Variants in ANGPT2 observed in about 807,000 individuals in gnomAD.
ANGPT2 encodes the protein angiopoietin 2.
ANGPT2 carries 28 observed loss-of-function variants against 62.9 expected under a neutral mutation model. The observed-to-expected ratio is 0.44, with a 90% CI of 0.33 to 0.61. ANGPT2 has a LOEUF of 0.61. ANGPT2 is among the 20% of genes least tolerant of loss of function. The pLI is 0.03. For missense variants in ANGPT2, 727 were observed against 594.9 expected (o/e 1.22, Z -2.31); for synonymous variants, 284 against 207.8 (o/e 1.37, Z -3.15).
intron 1 of ANGPT2, among the ~76,000 whole-genome samples, chr8:6,552,463 C>A (rs1355003644): frequency 6.6e-6 from 1 of 152,150 alleles, no homozygotes; most frequent in Non-Finnish European, 1.5e-5. Flanking sequence ...TTCGAGTAAA[C>A]ATGTGCTTTG....
intron 8 of ANGPT2, among the ~76,000 whole-genome samples, chr8:6,505,439 CTT>C (rs1438322477): frequency 2.0e-4 from 14 of 70,678 alleles, no homozygotes; most frequent in Admixed American, 4.6e-4. Flanking sequence ...TATATATATT[CTT>C]TATATACATA....
intron 1 of ANGPT2, among the ~76,000 whole-genome samples, chr8:6,562,038 C>G (rs1825619792): frequency 2.0e-5 from 3 of 152,206 alleles, no homozygotes; most frequent in African/African-American, 7.2e-5. Context: ...AACTGTGCCC[C>G]TGTTTACAGA....
chr8:6,527,596 C>T lies in ANGPT2; in HGVS notation c.525G>A (p.Leu175=). The T allele has an allele frequency of 6.2e-7, 1 of 1,613,950 alleles. No individual in the cohort carries two copies. Among genetic ancestry groups the T allele is most frequent in the East Asian group, 2.2e-5 (1 of 44,858 alleles). Residue 175 remains leucine, a synonymous_variant, in exon 3 of 9, where the codon TTG becomes TTA. Transcript: ENST00000629816. ...ATTTGTTTATTTCACTGGTCTGGTC[C>T]AAAATCTGTTTTTCCAATTTGTTTG... ...LSTNKLEKQI[L]DQTSEINKLQ...
intron 8 of ANGPT2, among the ~76,000 whole-genome samples, chr8:6,505,084 G>A (rs1021604564): frequency 4.2e-5 from 5 of 118,042 alleles, no homozygotes; most frequent in Admixed American, 9.4e-5. Flanking sequence ...AATTAACCTC[G>A]ACCCAAGCGT....
Position 6,553,288 on chromosome 8 carries a change from C to A in ANGPT2, c.288+9359G>T, listed in dbSNP as rs558827968. ...TAAAAAACATAGTCTTTTAAAAAATCATTTACTACATATGAAAAGGAACAA... is the reference window on the plus strand; with the variant it reads ...TAAAAAACATAGTCTTTTAAAAAATAATTTACTACATATGAAAAGGAACAA... On this transcript the variant is annotated intron_variant, in intron 1 of 8. Transcript: ENST00000629816. Among the ~76,000 whole-genome samples the A allele has an allele frequency of 1.9e-4, 29 of 152,228 alleles. No individual in the cohort carries two copies. The South Asian group carries it at 4.1e-3, about 22-fold the overall frequency.
In ANGPT2 at chr8:6,543,294, C is replaced by T. The variant is rs1241153602; in HGVS notation, c.289-10807G>A. Among the ~76,000 whole-genome samples, 15 of 152,152 alleles carry T rather than the reference C, an allele frequency of 9.9e-5. No homozygotes were observed. The East Asian group carries it at 1.2e-3, about 12-fold the overall frequency. ...TGTACATGAAGATGCACTACTGACC[C>T]GCCGTCCGCAAATGTGTTTGTACAG... On this transcript the variant is annotated intron_variant, in intron 1 of 8. Transcript: ENST00000629816.
intron 1 of ANGPT2, among the ~76,000 whole-genome samples, chr8:6,557,414 G>A (rs1223353465): frequency 1.3e-5 from 2 of 152,172 alleles, no homozygotes; most frequent in African/African-American, 4.8e-5. Flanking sequence ...ACCCTGTTGC[G>A]ATTGCTGCCT....
intron 7 of ANGPT2, among the ~76,000 whole-genome samples, chr8:6,510,519 C>T (rs749614064): frequency 6.6e-6 from 1 of 152,150 alleles, no homozygotes; most frequent in Admixed American, 6.5e-5. Flanking sequence ...ACCTGCTGGT[C>T]GGGCCAGGCC....
At chr8:6,515,782 A>G (rs117572681) in intron 5 of ANGPT2, among the ~76,000 whole-genome samples, 2 of 152,214 alleles carry the variant, frequency 1.3e-5, no homozygotes, top group Non-Finnish European at 2.9e-5. Context: ...GTTGTGTCCC[A>G]TGGTCTTTTT....
intron 1 of ANGPT2, 69 bp downstream of exon 1, chr8:6,562,578 T>TTTTTTTTTTTTTTTA: frequency 1.8e-4 from 160 of 880,144 alleles, no homozygotes; most frequent in Non-Finnish European, 2.2e-4. Flanking sequence ...TTTTGGTTGT[T>TTTTTTTTTTTTTTTA]AAAACCTGAG....
At chr8:6,527,980 C>T (rs773707929) in intron 2 of ANGPT2, among the ~76,000 whole-genome samples, 28 of 151,384 alleles carry the variant, frequency 1.8e-4, no homozygotes, top group Non-Finnish European at 3.2e-4. Flanking sequence ...ACTGCAACCT[C>T]CGCCTCCCGG....
At chr8:6,524,913 C>T (rs1053533079) in intron 3 of ANGPT2, among the ~76,000 whole-genome samples, 2 of 152,234 alleles carry the variant, frequency 1.3e-5, no homozygotes, top group Non-Finnish European at 2.9e-5. Flanking sequence ...CTGGGAATCC[C>T]ACCTCTGCAC....
intron 1 of ANGPT2, among the ~76,000 whole-genome samples, chr8:6,545,261 T>A (rs779672726): frequency 5.3e-5 from 8 of 152,228 alleles, no homozygotes; most frequent in Non-Finnish European, 1.0e-4. Context: ...TTGACCTCGG[T>A]GCTGGTTACA....
rs1303854410 is a variant in ANGPT2, at chr8:6,531,019, T to TA, written c.444+1312dup. 3.3e-5 allele frequency among the ~76,000 whole-genome samples: 5 copies of TA among 152,284 alleles called. No homozygotes were observed. In the East Asian group the frequency reaches 9.7e-4, roughly 29 times the overall value. The stretch of plus-strand genomic sequence containing the variant: ...CTGCTCTTTTTTTAAAAGTATTCCT[T>TA]ATAGCCCAGAGTAGGAAGCCACTGA... On this transcript the variant is annotated intron_variant, in intron 2 of 8. Coordinates refer to ENST00000629816, the MANE Select transcript of ANGPT2 (RefSeq NM_001118887.2).
At position 6,521,287 on chromosome 8, in the gene ANGPT2, T is replaced by C. The variant is rs1479039077; in HGVS notation, c.690A>G (p.Leu230=). Residue 230 remains leucine (L), a synonymous_variant, in exon 4 of 9, where the codon CTA becomes CTG. Transcript: ENST00000629816. ...VSKQNSIIEE[L]EKKIVTATVN... The stretch of plus-strand genomic sequence containing the variant: ...CCGTGGCAGTCACTATTTTTTTTTC[T>C]AGTTCTTCAATGATGGAATTTTGCT... 2 of 1,613,802 alleles carry C rather than the reference T, an allele frequency of 1.2e-6. No individual in the cohort carries two copies. The highest frequency in any genetic ancestry group is 1.3e-5 in the African/African-American group (1 of 75,020).
intron 2 of ANGPT2, among the ~76,000 whole-genome samples, chr8:6,530,508 CAAAAA>C (rs55729820): frequency 1.0e-3 from 98 of 98,036 alleles, no homozygotes; most frequent in Non-Finnish European, 1.4e-3. Context: ...GACTCTGTCT[CAAAAA>C]AAAAAAAAAA....
chr8:6,514,827 C>A (rs199778883), intron 5 of ANGPT2, 49 bp from the exon 6 acceptor site: 4 of 1,513,172 alleles, frequency 2.6e-6, no homozygotes, highest in South Asian at 1.1e-5. Context: ...CCCACTCCCC[C>A]CTTACGTAGC....
At chr8:6,526,806 G>A (rs1206975337) in intron 3 of ANGPT2, among the ~76,000 whole-genome samples, 1 of 152,092 alleles carries the variant, frequency 6.6e-6, no homozygotes, top group Non-Finnish European at 1.5e-5. Flanking sequence ...GGCACACCAG[G>A]TATGTGCATA....
At chr8:6,519,732 C>G in intron 5 of ANGPT2, 132 bp downstream of exon 5, 3 of 1,121,314 alleles carry the variant, frequency 2.7e-6, no homozygotes, top group South Asian at 2.4e-5. Context: ...GGTAGCTGCC[C>G]AGTAACTATG....
Sources: gnomAD v4.1 joint callset for allele counts (sites outside exome capture counted in the v4.1 genomes callset) on GRCh38, gnomAD v4.1.1 for gene constraint, MANE v1.5 for transcripts, NCBI Gene and HGNC (gene_info 2026-07-23, HGNC 2026-07-21) for gene names.